The following ARHGEF10L variants were observed in gnomAD, a reference collection of about 807,000 sequenced individuals.
The protein encoded by ARHGEF10L is Rho guanine nucleotide exchange factor 10 like, also known as rho guanine nucleotide exchange factor 10-like protein.
Under a neutral mutation model 141.2 loss-of-function variants are expected in ARHGEF10L, and 69 were observed. The ratio of observed to expected loss-of-function variants is 0.49; its 90% CI spans 0.40 to 0.60. The LOEUF (loss-of-function observed/expected upper bound fraction) is 0.60, where lower values mean the gene tolerates loss of function less well. Ranked by LOEUF, ARHGEF10L falls within the 20% of genes least tolerant of loss-of-function variation. The pLI, the probability that ARHGEF10L is intolerant of heterozygous loss-of-function variation, is 0.00. For missense variants in ARHGEF10L, 1,482 were observed against 1,734.3 expected, an observed-to-expected ratio of 0.85 and a Z score of 2.58; for synonymous variants, 711 against 718.5, an observed-to-expected ratio of 0.99 and a Z score of 0.17.
intron 22 of ARHGEF10L, among the ~76,000 whole-genome samples, chr1:17,652,498 G>C (rs2061995031): frequency 6.6e-6 from 1 of 152,202 alleles, no homozygotes. Context: ...TGGGTCAAGT[G>C]CTTAGCCAGT....
intron 9 of ARHGEF10L, among the ~76,000 whole-genome samples, chr1:17,617,750 G>A (rs567484186): frequency 1.2e-4 from 19 of 152,276 alleles, no homozygotes; most frequent in African/African-American, 4.6e-4. Context: ...ACAGTGGGGT[G>A]GCTGTCTGTC....
At chr1:17,601,852 A>T (rs904486240) in intron 4 of ARHGEF10L, among the ~76,000 whole-genome samples, 1 of 152,094 alleles carries the variant, frequency 6.6e-6, no homozygotes, top group Non-Finnish European at 1.5e-5. Flanking sequence ...CTAGGGAGAG[A>T]CGAGACAGCC....
intron 1 of ARHGEF10L, among the ~76,000 whole-genome samples, chr1:17,544,957 T>G (rs1339696965): frequency 2.0e-5 from 3 of 152,106 alleles, no homozygotes; most frequent in African/African-American, 7.2e-5. Flanking sequence ...TTCACTATCA[T>G]GAGAACAGCA....
At chr1:17,571,500 C>T (rs1274016620) in intron 1 of ARHGEF10L, among the ~76,000 whole-genome samples, 1 of 152,000 alleles carries the variant, frequency 6.6e-6, no homozygotes, top group Non-Finnish European at 1.5e-5. Flanking sequence ...GGTATGGGAT[C>T]AGATGAGCAG....
At chr1:17,641,533 G>A (rs1422253258) in intron 21 of ARHGEF10L, among the ~76,000 whole-genome samples, 1 of 152,056 alleles carries the variant, frequency 6.6e-6, no homozygotes, top group Non-Finnish European at 1.5e-5. Context: ...CAAAGCAGGA[G>A]AATTGCTTGA....
chr1:17,611,849 A>G (rs2059566645), intron 7 of ARHGEF10L, among the ~76,000 whole-genome samples: 1 of 152,208 alleles, frequency 6.6e-6, no homozygotes, highest in Admixed American at 6.5e-5. Flanking sequence ...CCTTCTGTCT[A>G]CTTCTCTAGA....
chr1:17,675,408 G>A (rs1348540368), intron 26 of ARHGEF10L, among the ~76,000 whole-genome samples: 1 of 152,212 alleles, frequency 6.6e-6, no homozygotes, highest in Non-Finnish European at 1.5e-5. Context: ...AATGGGTGCT[G>A]AGCAGATACT....
chr1:17,659,533 C>G (rs973353951), intron 25 of ARHGEF10L, among the ~76,000 whole-genome samples: 5 of 152,214 alleles, frequency 3.3e-5, no homozygotes, highest in Non-Finnish European at 7.3e-5. Context: ...GATACCCCCA[C>G]CCATCCCAGC....
intron 21 of ARHGEF10L, among the ~76,000 whole-genome samples, chr1:17,640,648 C>G (rs1271542590): frequency 6.6e-6 from 1 of 152,012 alleles, no homozygotes; most frequent in Non-Finnish European, 1.5e-5. Flanking sequence ...TGAAAATGTT[C>G]TAAAATTAGA....
At chr1:17,590,756 G>A (rs1347729951) in intron 4 of ARHGEF10L, among the ~76,000 whole-genome samples, 4 of 152,144 alleles carry the variant, frequency 2.6e-5, no homozygotes, top group East Asian at 1.9e-4. Flanking sequence ...GGAAGTCAAG[G>A]TGGGTGGACC....
chr1:17,627,469 C>T lies in ARHGEF10L; in HGVS notation c.1550C>T (p.Thr517Ile), dbSNP rs1394807034. The T allele has an allele frequency of 2.5e-6, 4 of 1,612,830 alleles. No homozygotes were observed. The South Asian group carries it at 4.4e-5, about 18-fold the overall frequency. ...ADQVAEIQQL[T>I]KSVSDRSSLN... The stretch of plus-strand genomic sequence containing the variant: ...CAGGTGGCTGAGATCCAGCAGCTGA[C>T]CAAGAGCGTCAGTGACCGCAGCAGC... The change falls in exon 15 of 29, where the codon ACC becomes ATC. Residue 517 changes from threonine (T) to isoleucine (I), a missense_variant. This residue lies in a region of ARHGEF10L where 392 missense variants were observed against 542.1 expected (regional missense o/e 0.72). Coordinates refer to ENST00000361221, the MANE Select transcript of ARHGEF10L (RefSeq NM_018125.4). This position sits in a 1 kb window ranked among gnomAD's most constrained non-coding sequence, Gnocchi z 4.0.
chr1:17,616,308 C>A, intron 9 of ARHGEF10L, 106 bp downstream of exon 9: 1 of 951,428 alleles, frequency 1.1e-6, no homozygotes, highest in Non-Finnish European at 1.6e-6. Context: ...GTGGGTACCA[C>A]TTGGCGTATG....
intron 1 of ARHGEF10L, among the ~76,000 whole-genome samples, chr1:17,565,925 C>T (rs966761497): frequency 3.9e-5 from 6 of 152,134 alleles, no homozygotes; most frequent in Non-Finnish European, 7.3e-5. Flanking sequence ...CAGATACAGA[C>T]ACAAGTAGGT....
chr1:17,672,401 T>G (rs2063381328), intron 26 of ARHGEF10L, among the ~76,000 whole-genome samples: 1 of 152,082 alleles, frequency 6.6e-6, no homozygotes, highest in Non-Finnish European at 1.5e-5. Context: ...GCAGGGCTTC[T>G]TGGGTAATGG....
chr1:17,675,411 C>T (rs2063585713), intron 26 of ARHGEF10L, among the ~76,000 whole-genome samples: 1 of 152,162 alleles, frequency 6.6e-6, no homozygotes, highest in Non-Finnish European at 1.5e-5. Context: ...GGGTGCTGAG[C>T]AGATACTGTG....
intron 22 of ARHGEF10L, among the ~76,000 whole-genome samples, chr1:17,651,135 T>C (rs2061904530): frequency 6.6e-6 from 1 of 152,200 alleles, no homozygotes; most frequent in Non-Finnish European, 1.5e-5. Context: ...AAAGTTGCCT[T>C]ACTCTCTCTC....
At chr1:17,598,991 C>T (rs1157709010) in intron 4 of ARHGEF10L, among the ~76,000 whole-genome samples, 1 of 152,082 alleles carries the variant, frequency 6.6e-6, no homozygotes, top group Non-Finnish European at 1.5e-5. Flanking sequence ...TTGTGAGGCT[C>T]AGTTTCCCCA....
At chr1:17,583,392 C>T (rs765908789) in intron 2 of ARHGEF10L, among the ~76,000 whole-genome samples, 22 of 151,900 alleles carry the variant, frequency 1.4e-4, no homozygotes, top group Admixed American at 3.3e-4. Context: ...GGTAATAATA[C>T]GACAGTGATG....
intron 27 of ARHGEF10L, chr1:17,691,062 C>T (rs190180010): frequency 2.5e-5 from 11 of 442,602 alleles, no homozygotes; most frequent in African/African-American, 1.0e-4. Context: ...CTTCCACTCG[C>T]ATACTCGACT....
Sources: gnomAD v4.1 joint callset for allele counts (sites outside exome capture counted in the v4.1 genomes callset) on GRCh38, gnomAD v4.1.1 for gene constraint, gnomAD v4.1.1 regional missense constraint, Gnocchi (gnomAD v3.1) non-coding constraint, MANE v1.5 for transcripts, NCBI Gene and HGNC (gene_info 2026-07-23, HGNC 2026-07-21) for gene names.